Variants in CPPED1 observed in about 807,000 individuals in gnomAD.
The protein encoded by CPPED1 is calcineurin like phosphoesterase domain containing 1, also known as serine/threonine-protein phosphatase CPPED1.
In CPPED1, 28 loss-of-function variants were observed where a neutral mutation model predicts 28.0. That is an observed-to-expected ratio of 1.00 (90% confidence interval 0.74 to 1.37). CPPED1 has a LOEUF of 1.37. Ranked by LOEUF, CPPED1 falls within the 40% of genes most tolerant of loss-of-function variation. The pLI, the probability that CPPED1 is intolerant of heterozygous loss-of-function variation, is 0.00. For missense variants in CPPED1, 504 were observed against 416.5 expected, an observed-to-expected ratio of 1.21 and a Z score of -1.83; for synonymous variants, 198 against 180.2, an observed-to-expected ratio of 1.10 and a Z score of -0.79.
rs929829938 is a variant in CPPED1 at position 12,789,956 on chromosome 16, G to A, written c.71-8553C>T. On this transcript the variant is annotated intron_variant, in intron 1 of 3. Transcript: ENST00000381774. ...CAAGATCTGGCCACTTCCACATTTC[G>A]GCTAACTTATAAAAGACTGTCACAG... is the stretch of plus-strand genomic sequence containing the variant. Among the ~76,000 whole-genome samples the A allele has an allele frequency of 6.6e-5, 10 of 152,148 alleles. No individual in the cohort carries two copies. In the East Asian group the frequency reaches 1.2e-3, roughly 18 times the overall value.
intron 3 of CPPED1, among the ~76,000 whole-genome samples, chr16:12,700,755 A>G (rs904108938): frequency 1.3e-5 from 2 of 152,206 alleles, no homozygotes; most frequent in African/African-American, 4.8e-5. Context: ...CTAATATCTG[A>G]GCCAGGTCTC....
In CPPED1 at chr16:12,709,226, G is replaced by A. The variant is rs2080067189; in HGVS notation, c.290-4177C>T. Among the ~76,000 whole-genome samples, 1 of 152,126 alleles carries A rather than the reference G, an allele frequency of 6.6e-6. No homozygotes were observed. The highest frequency in any genetic ancestry group is 6.6e-5 in the Admixed American group (1 of 15,262). On this transcript the variant is annotated intron_variant, in intron 2 of 3. Transcript: ENST00000381774. The surrounding 1 kb of genome is among the most constrained non-coding windows in gnomAD (Gnocchi z 4.4). ...AGGGTTCTATGTTCACAAAAAGAAT[G>A]TATATAAAGGACAGGAAGAAAGGCA...
chr16:12,725,715 C>T (rs2080166622), intron 2 of CPPED1, among the ~76,000 whole-genome samples: 1 of 152,156 alleles, frequency 6.6e-6, no homozygotes, highest in South Asian at 2.1e-4. Flanking sequence ...CTCTCAGTGA[C>T]CACTAGCTGT....
intron 2 of CPPED1, among the ~76,000 whole-genome samples, chr16:12,738,099 T>C (rs1435379743): frequency 2.0e-5 from 3 of 152,136 alleles, no homozygotes; most frequent in Non-Finnish European, 4.4e-5. Context: ...TAAGAATTCA[T>C]GTATCCGGGA....
chr16:12,781,774 C>T (rs1484091428), intron 1 of CPPED1, among the ~76,000 whole-genome samples: 1 of 152,158 alleles, frequency 6.6e-6, no homozygotes, highest in Non-Finnish European at 1.5e-5. Context: ...AAATTGAATG[C>T]TGCCAGAAGT....
At chr16:12,714,680 T>C (rs2080098058) in intron 2 of CPPED1, among the ~76,000 whole-genome samples, 1 of 152,234 alleles carries the variant, frequency 6.6e-6, no homozygotes, top group Admixed American at 6.5e-5. Flanking sequence ...GTTCTTTACA[T>C]ATTATGAATA....
chr16:12,725,661 C>T (rs2080166070), intron 2 of CPPED1, among the ~76,000 whole-genome samples: 1 of 152,092 alleles, frequency 6.6e-6, no homozygotes, highest in Non-Finnish European at 1.5e-5. Flanking sequence ...AAAAGGACCA[C>T]AGGTAGAGAC....
At chr16:12,705,094 C>T in intron 2 of CPPED1, 45 bp from the exon 3 acceptor site, 1 of 1,531,214 alleles carries the variant, frequency 6.5e-7, no homozygotes, top group African/African-American at 1.4e-5. Context: ...GGGGCTTATT[C>T]ACTTGAAATA....
chr16:12,692,311 CTT>C (rs1394500444), intron 3 of CPPED1, among the ~76,000 whole-genome samples: 1 of 152,196 alleles, frequency 6.6e-6, no homozygotes, highest in African/African-American at 2.4e-5. Context: ...GCCAGGAAGA[CTT>C]TGGTTCCCAC....
rs1001584731 is a variant in CPPED1, at chr16:12,705,003, A to G, written c.336T>C (p.Leu112=). 31 of 1,614,046 alleles carry G rather than the reference A, an allele frequency of 1.9e-5. No homozygotes were observed. Among genetic ancestry groups the G allele is most frequent in the Non-Finnish European group, 2.6e-5 (31 of 1,179,956 alleles). Residue 112 remains leucine (L), a synonymous_variant, in exon 3 of 4, where the codon CTT becomes CTC. Coordinates refer to ENST00000381774, the MANE Select transcript of CPPED1 (RefSeq NM_018340.3). ...GTGGGATGGCCCTGTCCACTGCCCT[A>G]AGCACTCGCTTCAGGTCCTCCGTCT... The part of the protein sequence containing the change: ...TEQTEDLKRV[L]RAVDRAIPLV...
At chr16:12,719,978 G>A (rs1018396111) in intron 2 of CPPED1, among the ~76,000 whole-genome samples, 4 of 152,064 alleles carry the variant, frequency 2.6e-5, no homozygotes, top group South Asian at 4.1e-4. Context: ...ATACGTGTAC[G>A]TTAATTATAT....
intron 2 of CPPED1, among the ~76,000 whole-genome samples, chr16:12,719,796 G>A (rs1434562199): frequency 6.6e-6 from 1 of 151,936 alleles, no homozygotes; most frequent in South Asian, 2.1e-4. Context: ...TTAGCCGGGC[G>A]TGGTGGCACA....
At chr16:12,684,389 A>C (rs535951416) in intron 3 of CPPED1, among the ~76,000 whole-genome samples, 11 of 152,276 alleles carry the variant, frequency 7.2e-5, no homozygotes, top group African/African-American at 2.6e-4. Flanking sequence ...CACTTCGTCA[A>C]GTAAAATTTG....
intron 3 of CPPED1, among the ~76,000 whole-genome samples, chr16:12,703,657 G>A (rs1596452670): frequency 6.8e-6 from 1 of 147,084 alleles, no homozygotes; most frequent in East Asian, 2.0e-4. Context: ...ACTCCAGCCT[G>A]GGCAACAGAA....
chr16:12,674,040 C>T (rs567376377), intron 3 of CPPED1, among the ~76,000 whole-genome samples: 1 of 151,964 alleles, frequency 6.6e-6, no homozygotes, highest in African/African-American at 2.4e-5. Flanking sequence ...CAGAGCAAGA[C>T]CCTGTCTCAA....
At chr16:12,768,666 T>C (rs1270267354) in intron 2 of CPPED1, among the ~76,000 whole-genome samples, 1 of 152,180 alleles carries the variant, frequency 6.6e-6, no homozygotes, top group African/African-American at 2.4e-5. Flanking sequence ...TGAACTTCGA[T>C]GGGAGGAAAC....
At chr16:12,715,636 A>C (rs139602644) in intron 2 of CPPED1, among the ~76,000 whole-genome samples, 1 of 152,142 alleles carries the variant, frequency 6.6e-6, no homozygotes, top group Non-Finnish European at 1.5e-5. Context: ...CTCCAGCCTG[A>C]GCAACAGAGC....
At chr16:12,669,684 G>C (rs984693990) in intron 3 of CPPED1, among the ~76,000 whole-genome samples, 32 of 152,164 alleles carry the variant, frequency 2.1e-4, no homozygotes, top group Admixed American at 2.0e-3. Context: ...TGCTCTGTCA[G>C]CTGAGAGCCC....
intron 1 of CPPED1, among the ~76,000 whole-genome samples, 179 bp downstream of exon 1, chr16:12,803,528 C>T (rs978080532): frequency 1.3e-5 from 2 of 152,248 alleles, no homozygotes; most frequent in African/African-American, 4.8e-5. Context: ...GGCCTCGCCT[C>T]TCAACTGCGC....
Sources: gnomAD v4.1 joint callset for allele counts (sites outside exome capture counted in the v4.1 genomes callset) on GRCh38, gnomAD v4.1.1 for gene constraint, Gnocchi (gnomAD v3.1) non-coding constraint, MANE v1.5 for transcripts, NCBI Gene and HGNC (gene_info 2026-07-23, HGNC 2026-07-21) for gene names.